The following DLGAP2 variants were observed in gnomAD, a reference collection of about 807,000 sequenced individuals.
DLGAP2 encodes the protein DLG associated protein 2.
In DLGAP2, 26 loss-of-function variants were observed where a neutral mutation model predicts 100.3. That is an observed-to-expected ratio of 0.26 (90% CI 0.19 to 0.36). The LOEUF is 0.36. Among genes scored for constraint, DLGAP2 ranks in the 10% least tolerant of loss-of-function variants. The pLI is 1.00. For missense variants in DLGAP2, 1,858 were observed against 1,453.2 expected (o/e 1.28, Z -4.53); for synonymous variants, 886 against 630.1 (o/e 1.41, Z -6.08).
intron 3 of DLGAP2, among the ~76,000 whole-genome samples, chr8:1,440,122 C>T (rs1158813356): frequency 1.3e-5 from 2 of 152,078 alleles, no homozygotes; most frequent in Non-Finnish European, 2.9e-5. Context: ...AGATTTTACT[C>T]CTCTTCATTT....
chr8:1,044,299 G>A (rs1802456119), intron 2 of DLGAP2, among the ~76,000 whole-genome samples: 1 of 152,178 alleles, frequency 6.6e-6, no homozygotes, highest in African/African-American at 2.4e-5. Context: ...GTTCATGATT[G>A]CAAACTCTCC....
chr8:1,215,739 C>T (rs374007574), intron 2 of DLGAP2, among the ~76,000 whole-genome samples: 1 of 75,252 alleles, frequency 1.3e-5, no homozygotes, highest in African/African-American at 1.0e-4. Flanking sequence ...CACCTGGAGA[C>T]GTCCAGGTAC....
chr8:980,024 A>C (rs1800283336), intron 2 of DLGAP2, among the ~76,000 whole-genome samples: 1 of 152,174 alleles, frequency 6.6e-6, no homozygotes, highest in Non-Finnish European at 1.5e-5. Flanking sequence ...CAACTGTTCA[A>C]AGGTGGATTT....
chr8:1,114,549 C>G (rs1181722329), intron 2 of DLGAP2, among the ~76,000 whole-genome samples: 1 of 151,828 alleles, frequency 6.6e-6, no homozygotes, highest in Non-Finnish European at 1.5e-5. Flanking sequence ...GTAACATTCT[C>G]TTTGTCATTT....
chr8:777,542 C>T (rs1197333620), intron 1 of DLGAP2, among the ~76,000 whole-genome samples: 1 of 151,852 alleles, frequency 6.6e-6, no homozygotes, highest in Non-Finnish European at 1.5e-5. Context: ...TTAGGGCAGG[C>T]CTGGTGGTGA....
At chr8:790,180 G>A (rs1821990235) in intron 1 of DLGAP2, among the ~76,000 whole-genome samples, 1 of 152,154 alleles carries the variant, frequency 6.6e-6, no homozygotes, top group Non-Finnish European at 1.5e-5. Flanking sequence ...TTTGGAGAAT[G>A]AGGAGGATTT....
Position 997,238 on chromosome 8 carries a change from C to A in DLGAP2, c.73+89272C>A, listed in dbSNP as rs371722318. On this transcript the variant is annotated intron_variant, in intron 2 of 14. Transcript: ENST00000637795. ...TTAAATTTTCAGACTGAAATATTAA[C>A]CCCTACTGATTTACATGGGAAATGA... is the stretch of plus-strand genomic sequence containing the variant. Among the ~76,000 whole-genome samples the A allele has an allele frequency of 2.0e-3, 303 of 152,296 alleles. 2 individuals are homozygous for A. Among genetic ancestry groups the A allele is most frequent in the African/African-American group, 7.1e-3 (295 of 41,562 alleles).
intron 1 of DLGAP2, among the ~76,000 whole-genome samples, chr8:756,630 T>C (rs1268650288): frequency 6.6e-6 from 1 of 152,074 alleles, no homozygotes; most frequent in African/African-American, 2.4e-5. Context: ...TCAAGACCTA[T>C]GCAAGCTGAA....
At chr8:859,338 C>T (rs1797345769) in intron 1 of DLGAP2, among the ~76,000 whole-genome samples, 1 of 152,164 alleles carries the variant, frequency 6.6e-6, no homozygotes, top group Admixed American at 6.5e-5. Flanking sequence ...TCTGAAACTC[C>T]TGACCGCAGC....
At chr8:1,429,148 C>A (rs1389408149) in intron 3 of DLGAP2, among the ~76,000 whole-genome samples, 1 of 152,124 alleles carries the variant, frequency 6.6e-6, no homozygotes, top group South Asian at 2.1e-4. Context: ...TTTGAAAAAT[C>A]CCTACTTAGA....
intron 3 of DLGAP2, among the ~76,000 whole-genome samples, chr8:1,304,481 A>G (rs1009431801): frequency 5.3e-5 from 8 of 152,274 alleles, no homozygotes; most frequent in African/African-American, 1.9e-4. Context: ...CACTTTCAGC[A>G]AAAGCAGGAG....
At chr8:997,192 G>T (rs1800806279) in intron 2 of DLGAP2, among the ~76,000 whole-genome samples, 1 of 152,118 alleles carries the variant, frequency 6.6e-6, no homozygotes, top group African/African-American at 2.4e-5. Context: ...AATTCACTTA[G>T]CAACAGCATG....
At chr8:1,555,936 C>T (rs144264487) in intron 5 of DLGAP2, among the ~76,000 whole-genome samples, 37 of 152,102 alleles carry the variant, frequency 2.4e-4, no homozygotes, top group African/African-American at 3.6e-4. Flanking sequence ...GACAGTGTTC[C>T]GAAAAGCACA....
intron 6 of DLGAP2, among the ~76,000 whole-genome samples, chr8:1,571,221 C>G (rs1484475882): frequency 6.6e-3 from 206 of 31,032 alleles, no homozygotes; most frequent in East Asian, 0.013. Flanking sequence ...AGGGTGAACT[C>G]TGGGGGTGTC....
At chr8:1,253,599 G>C (rs192342651) in intron 2 of DLGAP2, among the ~76,000 whole-genome samples, 1 of 152,180 alleles carries the variant, frequency 6.6e-6, no homozygotes, top group Non-Finnish European at 1.5e-5. Context: ...TGGGCTGGGC[G>C]TTTGCTGTTC....
chr8:1,369,611 A>G (rs1293670301), intron 3 of DLGAP2: 1 of 152,220 alleles, frequency 6.6e-6, no homozygotes, highest in Non-Finnish European at 1.5e-5. Context: ...ATTCTGCTAC[A>G]TTCCTTTAGG....
At chr8:775,206 T>G (rs1255367175) in intron 1 of DLGAP2, among the ~76,000 whole-genome samples, 1 of 151,530 alleles carries the variant, frequency 6.6e-6, no homozygotes, top group Non-Finnish European at 1.5e-5. Flanking sequence ...TTTTGTATCC[T>G]GAGACTTTGC....
chr8:1,095,312 G>A (rs934019187), intron 2 of DLGAP2, among the ~76,000 whole-genome samples: 15 of 152,140 alleles, frequency 9.9e-5, no homozygotes, highest in Admixed American at 7.9e-4. Context: ...CTGCAGAACC[G>A]CTCTCTCCCC....
chr8:906,043 C>A (rs76815087), intron 1 of DLGAP2, among the ~76,000 whole-genome samples: 1 of 152,216 alleles, frequency 6.6e-6, no homozygotes, highest in Admixed American at 6.5e-5. Flanking sequence ...AGCTAACCGT[C>A]GGTGCTGGGG....
Sources: allele counts gnomAD v4.1 joint callset (sites outside exome capture counted in the v4.1 genomes callset), GRCh38; gene constraint gnomAD v4.1.1; transcripts MANE v1.5; gene names NCBI Gene and HGNC (gene_info 2026-07-23, HGNC 2026-07-21).